The following NEK11 variants were observed in gnomAD, a reference collection of about 807,000 sequenced individuals.
NEK11 encodes NIMA related kinase 11, also known as serine/threonine-protein kinase Nek11.
In NEK11, 72 loss-of-function variants were observed where a neutral mutation model predicts 80.7. The observed-to-expected ratio is 0.89, with a 90% CI of 0.74 to 1.08. NEK11 has a LOEUF of 1.08. NEK11 is among the 50% of genes least tolerant of loss of function. The probability of loss-of-function intolerance (pLI) is 0.00; values close to 1 mark genes in which losing one functional copy is unlikely to be tolerated. For synonymous variants in NEK11, 251 were observed against 260.7 expected (o/e 0.96, Z 0.36); for missense variants, 764 against 763.6 (o/e 1.00, Z -0.01).
chr3:131,308,982 G>A (rs2096750310), intron 17 of NEK11, among the ~76,000 whole-genome samples: 1 of 152,200 alleles, frequency 6.6e-6, no homozygotes, highest in South Asian at 2.1e-4. Context: ...GTGTTCCTAT[G>A]AGAATCTAAT....
Position 131,222,033 on chromosome 3 carries a change from G to A in NEK11, c.1400-6495G>A, listed in dbSNP as rs1366868897. 1.3e-5 allele frequency among the ~76,000 whole-genome samples: 2 copies of A among 152,040 alleles called. 1 individual carries two copies. Among genetic ancestry groups the A allele is most frequent in the South Asian group, 4.2e-4 (2 of 4,814 alleles). The stretch of plus-strand genomic sequence containing the variant: ...CTGATTCTCCCAGCTCCCTTAAGAC[G>A]GTTTACCAGGATGACTAAGCTTCAG... On this transcript the variant is annotated intron_variant, in intron 14 of 17. Transcript: ENST00000383366.
chr3:131,185,055 T>C (rs540419220), intron 14 of NEK11, among the ~76,000 whole-genome samples: 1 of 152,304 alleles, frequency 6.6e-6, no homozygotes, highest in African/African-American at 2.4e-5. Flanking sequence ...GTATTACAGG[T>C]GCACACTTGT....
chr3:131,075,212 C>T (rs1281138225), intron 3 of NEK11, among the ~76,000 whole-genome samples: 1 of 152,078 alleles, frequency 6.6e-6, no homozygotes, highest in South Asian at 2.1e-4. Context: ...GAGCTAGTTC[C>T]ACGGGTTTAA....
intron 14 of NEK11, among the ~76,000 whole-genome samples, chr3:131,190,617 C>T (rs376292436): frequency 6.6e-6 from 1 of 152,138 alleles, no homozygotes; most frequent in Non-Finnish European, 1.5e-5. Flanking sequence ...TGCTGTACAG[C>T]CTGCAGAACC....
chr3:131,335,684 G>A (rs1020058455), intron 17 of NEK11, among the ~76,000 whole-genome samples: 1 of 152,164 alleles, frequency 6.6e-6, no homozygotes, highest in Admixed American at 6.5e-5. Flanking sequence ...AATTGTCCCT[G>A]TTTGCAGATG....
chr3:131,203,745 A>ATG (rs2094336083), intron 14 of NEK11, among the ~76,000 whole-genome samples: 8 of 70,038 alleles, frequency 1.1e-4, no homozygotes, highest in African/African-American at 2.1e-4. Context: ...GTGTATATAT[A>ATG]TATGTGTGTG....
At chr3:131,139,356 A>AG (rs2086348295) in intron 7 of NEK11, among the ~76,000 whole-genome samples, 1 of 151,342 alleles carries the variant, frequency 6.6e-6, no homozygotes, top group South Asian at 2.1e-4. Context: ...GAAAAAAGAA[A>AG]AAAAAAAAAA....
intron 3 of NEK11, among the ~76,000 whole-genome samples, chr3:131,070,614 A>G (rs2073103394): frequency 6.6e-6 from 1 of 152,196 alleles, no homozygotes; most frequent in Non-Finnish European, 1.5e-5. Context: ...TCCAATCACA[A>G]CGACAAGTTG....
Position 131,109,925 on chromosome 3 carries a change from T to A in NEK11, c.455+4T>A. On this transcript the variant is annotated splice_donor_region_variant and intron_variant, in intron 5 of 17. Transcript: ENST00000383366. Reference sequence around the variant, plus strand: ...GAGTTGACTACATGCATGAGAGGTATGTTCATTTGCTACTGGGGGAGCATG... The same window carrying A: ...GAGTTGACTACATGCATGAGAGGTAAGTTCATTTGCTACTGGGGGAGCATG... 6.3e-7 allele frequency: 1 copy of A among 1,588,216 alleles called. No homozygotes were observed. Among genetic ancestry groups the A allele is most frequent in the Non-Finnish European group, 8.5e-7 (1 of 1,170,962 alleles).
At chr3:131,217,329 T>C (rs2094875295) in intron 14 of NEK11, among the ~76,000 whole-genome samples, 1 of 152,076 alleles carries the variant, frequency 6.6e-6, no homozygotes, top group Non-Finnish European at 1.5e-5. Context: ...AGGGAGAGAC[T>C]GGGTATCCTT....
chr3:131,192,780 G>C (rs1277320226), intron 14 of NEK11, among the ~76,000 whole-genome samples: 2 of 152,152 alleles, frequency 1.3e-5, no homozygotes, highest in Non-Finnish European at 2.9e-5. Context: ...CAGGGTCTTG[G>C]GGGAAGGAAG....
At chr3:131,236,122 G>GT (rs1419089518) in intron 15 of NEK11, among the ~76,000 whole-genome samples, 5 of 152,162 alleles carry the variant, frequency 3.3e-5, no homozygotes, top group Admixed American at 1.3e-4. Context: ...AAATTCTTGT[G>GT]TTTTTGTGGC....
At chr3:131,044,359 G>T (rs756944238) in intron 3 of NEK11, among the ~76,000 whole-genome samples, 5 of 136,250 alleles carry the variant, frequency 3.7e-5, no homozygotes, top group Admixed American at 8.2e-5. Context: ...CCCATCTCAC[G>T]TGCAAAGACA....
intron 3 of NEK11, among the ~76,000 whole-genome samples, chr3:131,058,291 G>A (rs946030806): frequency 6.6e-6 from 1 of 152,154 alleles, no homozygotes; most frequent in Non-Finnish European, 1.5e-5. Flanking sequence ...GGTTACTGTA[G>A]CCTTGTAGTA....
intron 17 of NEK11, among the ~76,000 whole-genome samples, chr3:131,282,068 G>A (rs1304262029): frequency 6.6e-6 from 1 of 152,088 alleles, no homozygotes; most frequent in African/African-American, 2.4e-5. Context: ...GGAGTCAAAT[G>A]GTGTTGCTTG....
chr3:131,240,264 C>G (rs1355071594), intron 15 of NEK11, among the ~76,000 whole-genome samples: 1 of 152,118 alleles, frequency 6.6e-6, no homozygotes, highest in African/African-American at 2.4e-5. Context: ...CCTCTTAGAA[C>G]TAGGCTTCTC....
At chr3:131,206,811 C>T (rs1362724210) in intron 14 of NEK11, among the ~76,000 whole-genome samples, 1 of 152,158 alleles carries the variant, frequency 6.6e-6, no homozygotes, top group Non-Finnish European at 1.5e-5. Flanking sequence ...TTAGGTATTT[C>T]TCCTAATGCT....
Position 131,275,608 on chromosome 3 carries a change from A to G in NEK11, c.1718+2034A>G, listed in dbSNP as rs191800634. Among the ~76,000 whole-genome samples the G allele has an allele frequency of 1.2e-3, 181 of 152,262 alleles. 1 individual carries two copies. Among genetic ancestry groups the G allele is most frequent in the African/African-American group, 4.1e-3 (170 of 41,552 alleles). The stretch of plus-strand genomic sequence containing the variant: ...TAGTGGAATAACCTGCCATCCTTTT[A>G]TATTTTATATTGTGAATCCTTATGC... On this transcript the variant is annotated intron_variant, in intron 17 of 17. Coordinates refer to ENST00000383366, the MANE Select transcript of NEK11 (RefSeq NM_024800.5).
chr3:131,334,066 G>A (rs2097140278), intron 17 of NEK11, among the ~76,000 whole-genome samples: 1 of 152,134 alleles, frequency 6.6e-6, no homozygotes, highest in South Asian at 2.1e-4. Flanking sequence ...CAATGAGACA[G>A]AAAGTTAACA....
Sources: allele counts gnomAD v4.1 joint callset (sites outside exome capture counted in the v4.1 genomes callset), GRCh38; gene constraint gnomAD v4.1.1; transcripts MANE v1.5; gene names NCBI Gene and HGNC (gene_info 2026-07-23, HGNC 2026-07-21).